Variants in PAK1 observed in about 807,000 individuals in gnomAD.
PAK1 encodes p21 (RAC1) activated kinase 1.
In PAK1, 29 loss-of-function variants were observed where a neutral mutation model predicts 67.4. The ratio of observed to expected loss-of-function variants is 0.43; its 90% CI spans 0.32 to 0.59. The LOEUF is 0.59. PAK1 is among the 20% of genes least tolerant of loss of function. The probability of loss-of-function intolerance (pLI) is 0.07; values close to 1 mark genes in which losing one functional copy is unlikely to be tolerated. For synonymous variants in PAK1, 223 were observed against 237.4 expected (o/e 0.94, Z 0.56); for missense variants, 337 against 670.7 (o/e 0.50, Z 5.50).
intron 1 of PAK1, among the ~76,000 whole-genome samples, chr11:77,442,991 A>G (rs917007121): frequency 6.6e-6 from 1 of 152,166 alleles, no homozygotes; most frequent in Non-Finnish European, 1.5e-5. Context: ...GTGAGGATTA[A>G]ATGAGAATAG....
At chr11:77,506,422 G>C in the PAK1 span, among the ~76,000 whole-genome samples, 1 of 152,224 alleles carries the variant, frequency 6.6e-6, no homozygotes, top group African/African-American at 2.4e-5. Flanking sequence ...AGCTTTGCTT[G>C]TCACTACTGT....
the PAK1 span, among the ~76,000 whole-genome samples, chr11:77,500,827 G>C: frequency 1.3e-5 from 2 of 152,162 alleles, no homozygotes; most frequent in Non-Finnish European, 2.9e-5. Context: ...CTAGGAGACA[G>C]AGTGAGACAC....
At chr11:77,351,710 G>A (rs1264365749) in intron 8 of PAK1, among the ~76,000 whole-genome samples, 2 of 151,236 alleles carry the variant, frequency 1.3e-5, no homozygotes, top group African/African-American at 4.9e-5. Flanking sequence ...CCTATATTAT[G>A]CAATCTTTTA....
intron 1 of PAK1, among the ~76,000 whole-genome samples, chr11:77,396,097 G>A (rs1326512786): frequency 1.3e-5 from 2 of 152,134 alleles, no homozygotes; most frequent in African/African-American, 4.8e-5. Context: ...TGCCAACAAA[G>A]GTTTCACCAA....
At chr11:77,481,672 T>TAAAAAAAAA in the PAK1 span, among the ~76,000 whole-genome samples, 1 of 70,354 alleles carries the variant, frequency 1.4e-5, no homozygotes, top group African/African-American at 9.9e-5. Flanking sequence ...AGACTCCATC[T>TAAAAAAAAA]CAAAAAAAAA....
the PAK1 span, among the ~76,000 whole-genome samples, chr11:77,502,668 G>A: frequency 6.6e-6 from 1 of 152,160 alleles, no homozygotes; most frequent in Non-Finnish European, 1.5e-5. Context: ...GGAGCTTCCT[G>A]TTCCCTCTGA....
At chr11:77,477,576 A>AAAAAAAAAAAAT (rs1441142095), upstream of PAK1, among the ~76,000 whole-genome samples, 1 of 150,394 alleles carries the variant, frequency 6.6e-6, no homozygotes, top group East Asian at 1.9e-4. Context: ...ACAAAAAAAA[A>AAAAAAAAAAAAT]AAAACCCAAA....
intron 1 of PAK1, among the ~76,000 whole-genome samples, chr11:77,435,799 C>A (rs1219486151): frequency 2.0e-5 from 3 of 151,854 alleles, no homozygotes; most frequent in East Asian, 1.9e-4. Context: ...TAAGCCACTG[C>A]GCCCGGCCCA....
chr11:77,432,958 A>G (rs1260260565), intron 1 of PAK1, among the ~76,000 whole-genome samples: 1 of 152,258 alleles, frequency 6.6e-6, no homozygotes, highest in Non-Finnish European at 1.5e-5. Context: ...ATAAACCTAG[A>G]GTAATCAAGA....
upstream of PAK1, among the ~76,000 whole-genome samples, chr11:77,478,291 A>C (rs771789544): frequency 2.6e-5 from 4 of 152,174 alleles, no homozygotes; most frequent in Non-Finnish European, 5.9e-5. Context: ...GAAATTGCCA[A>C]ACTGTTTCCC....
chr11:77,416,682 T>C (rs990704152), intron 1 of PAK1, among the ~76,000 whole-genome samples: 10 of 152,142 alleles, frequency 6.6e-5, no homozygotes, highest in Non-Finnish European at 1.3e-4. Flanking sequence ...GGCCAGGTGC[T>C]GTGGCTGACG....
At chr11:77,444,410 G>A (rs956020962) in intron 1 of PAK1, among the ~76,000 whole-genome samples, 3 of 151,946 alleles carry the variant, frequency 2.0e-5, no homozygotes, top group Non-Finnish European at 4.4e-5. Flanking sequence ...TAAGTTTCCC[G>A]GGTGTGGTCA....
At chr11:77,502,076 T>C in the PAK1 span, among the ~76,000 whole-genome samples, 1 of 152,250 alleles carries the variant, frequency 6.6e-6, no homozygotes, top group Non-Finnish European at 1.5e-5. Flanking sequence ...CGCCAAAGAT[T>C]AAGATGACCT....
intron 14 of PAK1, among the ~76,000 whole-genome samples, chr11:77,331,330 G>T (rs1665461921): frequency 6.6e-6 from 1 of 152,180 alleles, no homozygotes; most frequent in African/African-American, 2.4e-5. Flanking sequence ...AAAGACACAT[G>T]CACACGTATG....
chr11:77,467,424 A>G (rs975067343), intron 1 of PAK1, among the ~76,000 whole-genome samples: 1 of 152,246 alleles, frequency 6.6e-6, no homozygotes, highest in African/African-American at 2.4e-5. Context: ...GTTTATTCAG[A>G]ACCTATGACA....
chr11:77,426,814 A>C (rs994448539), intron 1 of PAK1, among the ~76,000 whole-genome samples: 4 of 151,210 alleles, frequency 2.6e-5, no homozygotes, highest in Admixed American at 2.0e-4. Context: ...TGAAAACCTG[A>C]CAGGAAAAGC....
intron 4 of PAK1, among the ~76,000 whole-genome samples, chr11:77,376,048 G>A (rs1182414496): frequency 6.6e-6 from 1 of 152,122 alleles, no homozygotes; most frequent in East Asian, 1.9e-4. Context: ...AACATAATTC[G>A]TTTGTTTTTT....
At chr11:77,513,703 T>C in the PAK1 span, among the ~76,000 whole-genome samples, 1 of 145,134 alleles carries the variant, frequency 6.9e-6, no homozygotes, top group Non-Finnish European at 1.5e-5. Context: ...AAAAAGCATT[T>C]CTACTGAAAG....
chr11:77,511,220 AT>A, the PAK1 span, among the ~76,000 whole-genome samples: 1 of 152,190 alleles, frequency 6.6e-6, no homozygotes, highest in Admixed American at 6.5e-5. Flanking sequence ...GGCAGGATTT[AT>A]TATTAAGGCT....
Sources: allele counts gnomAD v4.1 joint callset (sites outside exome capture counted in the v4.1 genomes callset), GRCh38; gene constraint gnomAD v4.1.1; transcripts MANE v1.5; gene names NCBI Gene and HGNC (gene_info 2026-07-23, HGNC 2026-07-21).